The following ZCWPW1 variants were observed in gnomAD, a reference collection of about 807,000 sequenced individuals.
The protein encoded by ZCWPW1 is zinc finger CW-type and PWWP domain containing 1.
ZCWPW1 carries 56 observed loss-of-function variants against 81.3 expected under a neutral mutation model. That is an observed-to-expected ratio of 0.69 (90% CI 0.56 to 0.86). The LOEUF is 0.86. Ranked by LOEUF, ZCWPW1 falls within the 40% of genes least tolerant of loss-of-function variation. The pLI is 0.00. For synonymous variants in ZCWPW1, 250 were observed against 273.7 expected (o/e 0.91, Z 0.86); for missense variants, 650 against 769.8 (o/e 0.84, Z 1.84).
intron 1 of ZCWPW1, among the ~76,000 whole-genome samples, chr7:100,426,989 CT>C (rs1340862641): frequency 8.9e-5 from 1 of 11,196 alleles, no homozygotes; most frequent in African/African-American, 4.8e-4. Context: ...CCCTCCCTCT[CT>C]TCTCCTTCCC....
chr7:100,414,885 C>T (rs1184330908), intron 8 of ZCWPW1, among the ~76,000 whole-genome samples: 1 of 151,398 alleles, frequency 6.6e-6, no homozygotes, highest in Non-Finnish European at 1.5e-5. Flanking sequence ...ATTAGCTGGG[C>T]GTGGTGGCGC....
At chr7:100,426,850 C>G (rs1233887510) in intron 1 of ZCWPW1, among the ~76,000 whole-genome samples, 2 of 82,272 alleles carry the variant, frequency 2.4e-5, no homozygotes, top group African/African-American at 5.0e-5. Flanking sequence ...TTTCCTCCCC[C>G]TCTCCTTCCT....
chr7:100,426,781 CTT>C (rs1355034370), intron 1 of ZCWPW1, among the ~76,000 whole-genome samples: 3 of 123,354 alleles, frequency 2.4e-5, no homozygotes, highest in Admixed American at 8.0e-5. Context: ...GCCCTCCTCC[CTT>C]TCTCTCTCCC....
At chr7:100,407,773 C>A (rs1280718338) in intron 10 of ZCWPW1, among the ~76,000 whole-genome samples, 1 of 152,106 alleles carries the variant, frequency 6.6e-6, no homozygotes, top group African/African-American at 2.4e-5. Flanking sequence ...TACTGAATGA[C>A]TCGTGAGAAA....
At chr7:100,420,914 C>A (rs967674007) in intron 2 of ZCWPW1, among the ~76,000 whole-genome samples, 5 of 152,166 alleles carry the variant, frequency 3.3e-5, no homozygotes, top group African/African-American at 1.2e-4. Context: ...CTTTGGGAGG[C>A]CATGGCAGGC....
At chr7:100,407,427 CT>C (rs1563133207) in intron 10 of ZCWPW1, 124 bp from the exon 11 acceptor site, 4 of 821,740 alleles carry the variant, frequency 4.9e-6, no homozygotes. Context: ...AGGTCTCACT[CT>C]GTCACCCAGG....
Position 100,419,799 on chromosome 7 carries a change from T to G in ZCWPW1, c.113A>C (p.Lys38Thr). ...GGAACTGATCCCCGGGGTCTCCTCC[T>G]TAGGGGAGTTAGGGCTACAAGGTAA... Reference protein sequence around the residue: ...SLLPCSPNSPKEETPGISSPE... With the variant: ...SLLPCSPNSPTEETPGISSPE... The change falls in exon 4 of 18, where the codon AAG becomes ACG. Residue 38 changes from lysine to threonine, a missense_variant. By Grantham distance (78) the Lys-to-Thr change is moderately conservative (BLOSUM62 -1). Transcript: ENST00000684423. 2 of 1,613,584 alleles carry G rather than the reference T, an allele frequency of 1.2e-6. No individual in the cohort carries two copies. The highest frequency in any genetic ancestry group is 2.2e-5 in the South Asian group (2 of 90,940).
intron 12 of ZCWPW1, among the ~76,000 whole-genome samples, chr7:100,405,431 AG>A (rs1369053832): frequency 6.8e-6 from 1 of 146,062 alleles, no homozygotes; most frequent in Non-Finnish European, 1.5e-5. Context: ...CATCTCAAAA[AG>A]AAAAAAAAAA....
chr7:100,419,745 G>A lies in ZCWPW1; in HGVS notation c.167C>T (p.Pro56Leu). The A allele has an allele frequency of 6.2e-7, 1 of 1,613,972 alleles. No homozygotes were observed. The highest frequency in any genetic ancestry group is 1.1e-5 in the South Asian group (1 of 91,080). The change falls in exon 4 of 18, where the codon CCA becomes CTA. Residue 56 changes from proline to leucine, a missense_variant. Physicochemically the swap from Pro to Leu is moderately conservative, Grantham distance 98. Transcript: ENST00000684423. Reference sequence around the variant, plus strand: ...CTCTTTCTTCTTTAAACTGGCCTTTGGCAGGCTTATCCTGGCCTCTGTCTC... The same window carrying A: ...CTCTTTCTTCTTTAAACTGGCCTTTAGCAGGCTTATCCTGGCCTCTGTCTC... Reference protein sequence around the residue: ...SPETEARISLPKASLKKKEEK... With the variant: ...SPETEARISLLKASLKKKEEK...
chr7:100,401,957 G>A lies in ZCWPW1; in HGVS notation c.1559C>T (p.Ser520Phe). Reference protein sequence around the residue: ...KIMKRSLGRKSTAPPAPRMGR... With the variant: ...KIMKRSLGRKFTAPPAPRMGR... ...CATTCTGGGTGCAGGAGGAGCTGTG[G>A]ATTTCCTGCCTAGAGATCTCTTCAT... is the stretch of plus-strand genomic sequence containing the variant. The change falls in exon 17 of 18, where the codon TCC (serine) becomes TTC (phenylalanine). Residue 520 changes from serine to phenylalanine, a missense_variant. Physicochemically the swap from Ser to Phe is radical, Grantham distance 155 (BLOSUM62 -2). Coordinates refer to ENST00000684423, the MANE Select transcript of ZCWPW1 (RefSeq NM_001386010.1). 6.2e-7 allele frequency: 1 copy of A among 1,614,192 alleles called. No homozygotes were observed. The highest frequency in any genetic ancestry group is 1.3e-5 in the African/African-American group (1 of 75,046).
intron 8 of ZCWPW1, among the ~76,000 whole-genome samples, chr7:100,413,892 T>C (rs1794692809): frequency 6.6e-6 from 1 of 152,100 alleles, no homozygotes; most frequent in Non-Finnish European, 1.5e-5. Flanking sequence ...CCTCTTACAG[T>C]AATTCTGAGT....
chr7:100,414,152 AT>A, intron 8 of ZCWPW1, among the ~76,000 whole-genome samples: 1 of 152,302 alleles, frequency 6.6e-6, no homozygotes, highest in East Asian at 1.9e-4. Context: ...TTATGTTACT[AT>A]GTCATTATAA....
chr7:100,406,453 G>GA (rs920515742), intron 12 of ZCWPW1, among the ~76,000 whole-genome samples: 5 of 151,942 alleles, frequency 3.3e-5, no homozygotes, highest in Admixed American at 1.3e-4. Context: ...CTAAACTGTA[G>GA]AAAAAACCTC....
At chr7:100,416,528 C>T (rs1584271170) in intron 6 of ZCWPW1, 72 bp from the exon 7 acceptor site, 9 of 1,524,622 alleles carry the variant, frequency 5.9e-6, no homozygotes, top group South Asian at 2.3e-5. Context: ...TGAAAAAACC[C>T]GAGTAAAAGG....
intron 1 of ZCWPW1, among the ~76,000 whole-genome samples, chr7:100,427,521 G>A (rs1797862406): frequency 6.6e-6 from 1 of 151,822 alleles, no homozygotes. Flanking sequence ...CCAACATGGA[G>A]AAACCCCGTC....
intron 12 of ZCWPW1, 72 bp downstream of exon 12, chr7:100,406,622 G>T: frequency 7.1e-7 from 1 of 1,408,058 alleles, no homozygotes; most frequent in South Asian, 1.2e-5. Flanking sequence ...CTTACCCTGG[G>T]AGAAAATGAG....
chr7:100,401,320 A>C lies in ZCWPW1; in HGVS notation c.1644T>G (p.Phe548Leu), dbSNP rs777604975. ...DSDQPGPKKK[F>L]KAPQSKALAA... Reference sequence around the variant, plus strand: ...CCAAGGCCTTGCTCTGGGGAGCTTTAAATTTTTTCTTAGGGCCTAAATGAG... The same window carrying C: ...CCAAGGCCTTGCTCTGGGGAGCTTTCAATTTTTTCTTAGGGCCTAAATGAG... Residue 548 changes from phenylalanine to leucine, a missense_variant, in exon 18 of 18, where the codon TTT (phenylalanine) becomes TTG (leucine). Transcript: ENST00000684423. 1 of 1,553,004 alleles carries C rather than the reference A, an allele frequency of 6.4e-7. No individual in the cohort carries two copies. Among genetic ancestry groups the C allele is most frequent in the South Asian group, 1.2e-5 (1 of 81,048 alleles).
intron 1 of ZCWPW1, among the ~76,000 whole-genome samples, chr7:100,426,091 A>C (rs1797269080): frequency 6.6e-6 from 1 of 152,176 alleles, no homozygotes; most frequent in Non-Finnish European, 1.5e-5. Context: ...TAACCATCCA[A>C]TCATTCCCTT....
chr7:100,404,304 T>C, intron 13 of ZCWPW1, 60 bp from the exon 14 acceptor site: 1 of 1,456,176 alleles, frequency 6.9e-7, no homozygotes, highest in Non-Finnish European at 9.5e-7. Context: ...GCTTTTGCCT[T>C]CTGTCTTCTG....
Sources: gnomAD v4.1 joint callset for allele counts (sites outside exome capture counted in the v4.1 genomes callset) on GRCh38, gnomAD v4.1.1 for gene constraint, MANE v1.5 for transcripts, NCBI Gene and HGNC (gene_info 2026-07-23, HGNC 2026-07-21) for gene names.